Variants in TENM1 observed in about 807,000 individuals in gnomAD.
The protein encoded by TENM1 is teneurin-1.
TENM1 carries 35 observed loss-of-function variants against 174.8 expected under a neutral mutation model. The observed-to-expected ratio is 0.20, with a 90% confidence interval of 0.15 to 0.27. The LOEUF (loss-of-function observed/expected upper bound fraction) is 0.27. Ranked by LOEUF, TENM1 falls within the 10% of genes least tolerant of loss-of-function variation. The pLI is 1.00. For synonymous variants in TENM1, 781 were observed against 798.7 expected (o/e 0.98, Z 0.37); for missense variants, 1,633 against 2,130.1 (o/e 0.77, Z 4.59).
chrX:124,521,127 C>G (rs887402660), intron 17 of TENM1, among the ~76,000 whole-genome samples: 19 of 111,457 alleles, frequency 1.7e-4, no homozygotes, highest in African/African-American at 6.2e-4. Flanking sequence ...GAATGTCAAG[C>G]AATTCAGCAC....
chrX:124,709,825 GTTC>G (rs1407157857), intron 4 of TENM1, among the ~76,000 whole-genome samples: 1 of 110,851 alleles, frequency 9.0e-6, no homozygotes, highest in Non-Finnish European at 1.9e-5. Context: ...TATGTCAAAT[GTTC>G]TTCTAGTAAA....
intron 31 of TENM1, 145 bp downstream of exon 34, chrX:124,382,525 A>T: frequency 1.1e-4 from 45 of 414,750 alleles, no homozygotes; most frequent in Middle Eastern, 6.5e-4. Context: ...AGCTTTTTTT[A>T]TACCTTCTCA....
intron 14 of TENM1, among the ~76,000 whole-genome samples, chrX:124,556,339 C>T (rs2048694630): frequency 9.0e-6 from 1 of 111,159 alleles, no homozygotes; most frequent in Non-Finnish European, 1.9e-5. Context: ...GTTCCAGCTA[C>T]TTGGGAGGCT....
At chrX:124,979,875 C>T in the TENM1 span, among the ~76,000 whole-genome samples, 1 of 111,185 alleles carries the variant, frequency 9.0e-6, no homozygotes, top group Non-Finnish European at 1.9e-5. Context: ...TTCATTTCAA[C>T]AAAGAAATGA....
the TENM1 span, among the ~76,000 whole-genome samples, chrX:125,139,860 A>ACACG: frequency 1.2e-3 from 73 of 62,116 alleles, 1 homozygote; most frequent in Admixed American, 6.9e-3. Flanking sequence ...ACACACACGG[A>ACACG]GAGAGAGAGA....
rs765155041 is a variant in TENM1 at position 124,528,661 on chromosome X, T to TTATA, written c.2771+1199_2771+1202dup. Among the ~76,000 whole-genome samples the TTATA allele has an allele frequency of 5.8e-4, 62 of 106,855 alleles. 1 individual carries two copies. Among genetic ancestry groups the TTATA allele is most frequent in the African/African-American group, 1.9e-3 (56 of 29,082 alleles). The allele number at this position is 106,855 out of a possible 115,157, so 92.8% of individuals were successfully genotyped here. ...AGAATATTTGAAAGGAAATGAAGTT[T>TTATA]TATATATATATATATACACACACAT... On this transcript the variant is annotated intron_variant, in intron 16 of 31. Transcript: ENST00000422452.
chrX:124,489,964 C>A (rs1202897317), intron 20 of TENM1, among the ~76,000 whole-genome samples: 1 of 111,543 alleles, frequency 9.0e-6, no homozygotes, highest in Admixed American at 9.6e-5. Context: ...TCCAAGACTA[C>A]CTTCCCCCAT....
At chrX:124,514,338 C>T (rs749395885) in intron 18 of TENM1, among the ~76,000 whole-genome samples, 4 of 110,247 alleles carry the variant, frequency 3.6e-5, no homozygotes, top group Non-Finnish European at 7.6e-5. Flanking sequence ...CCATCGAAAC[C>T]CAACTGGGGT....
chrX:124,451,957 C>T (rs2061042363), intron 23 of TENM1, among the ~76,000 whole-genome samples: 1 of 112,034 alleles, frequency 8.9e-6, no homozygotes, highest in South Asian at 3.7e-4. Flanking sequence ...AGGACATAGG[C>T]ATGGGCAAGG....
intron 11 of TENM1, among the ~76,000 whole-genome samples, chrX:124,596,425 T>G (rs1048416048): frequency 8.9e-6 from 1 of 111,981 alleles, no homozygotes; most frequent in Non-Finnish European, 1.9e-5. Flanking sequence ...ATATGGCCCC[T>G]GCCTTTATGG....
At chrX:124,900,320 T>C (rs1304161581) in intron 1 of TENM1, among the ~76,000 whole-genome samples, 1 of 111,886 alleles carries the variant, frequency 8.9e-6, no homozygotes, top group Non-Finnish European at 1.9e-5. Flanking sequence ...TCCATTTATA[T>C]AAAATTCTAG....
chrX:124,934,318 A>C (rs777982320), intron 1 of TENM1, among the ~76,000 whole-genome samples: 15 of 112,264 alleles, frequency 1.3e-4, no homozygotes. Context: ...GACTCCATGC[A>C]TTTTAGAATA....
intron 14 of TENM1, among the ~76,000 whole-genome samples, chrX:124,549,745 G>GC (rs2048516359): frequency 9.0e-6 from 1 of 111,122 alleles, no homozygotes; most frequent in Non-Finnish European, 1.9e-5. Context: ...ATAATGGCAT[G>GC]CAAACCCCGT....
intron 5 of TENM1, among the ~76,000 whole-genome samples, chrX:124,678,736 A>C (rs2052155624): frequency 2.7e-5 from 3 of 111,546 alleles, no homozygotes; most frequent in Non-Finnish European, 5.7e-5. Flanking sequence ...ATAGTTTGAA[A>C]TCTAGTGGCC....
At chrX:124,477,673 A>G (rs963910448) in intron 22 of TENM1, among the ~76,000 whole-genome samples, 1 of 107,026 alleles carries the variant, frequency 9.3e-6, no homozygotes, top group Non-Finnish European at 1.9e-5. Flanking sequence ...AATCGCTGGA[A>G]CTCGGGAGGT....
chrX:124,438,921 C>A (rs1286617866), intron 23 of TENM1, among the ~76,000 whole-genome samples: 1 of 111,704 alleles, frequency 9.0e-6, no homozygotes. Context: ...ATGAACTCTG[C>A]GGATAGTCTC....
chrX:124,515,769 C>A, intron 18 of TENM1, among the ~76,000 whole-genome samples: 1 of 108,739 alleles, frequency 9.2e-6, no homozygotes, highest in Non-Finnish European at 1.9e-5. Context: ...GCCATACCAC[C>A]GAAAGCAATT....
At chrX:125,142,521 T>G in the TENM1 span, among the ~76,000 whole-genome samples, 2 of 110,335 alleles carry the variant, frequency 1.8e-5, no homozygotes, top group African/African-American at 6.6e-5. Flanking sequence ...ATATTCTTAA[T>G]TGTTGTAGAT....
intron 1 of TENM1, among the ~76,000 whole-genome samples, chrX:124,924,176 G>A (rs1406061679): frequency 9.0e-6 from 1 of 111,097 alleles, no homozygotes; most frequent in Non-Finnish European, 1.9e-5. Flanking sequence ...TTGACTTTTT[G>A]TCCCTTATCA....
Sources: gnomAD v4.1 joint callset for allele counts (sites outside exome capture counted in the v4.1 genomes callset) on GRCh38, gnomAD v4.1.1 for gene constraint, MANE v1.5 for transcripts, NCBI Gene and HGNC (gene_info 2026-07-23, HGNC 2026-07-21) for gene names.